Variants in ERC2 observed in about 807,000 individuals in gnomAD.
ERC2 encodes the protein ERC protein 2.
ERC2 carries 42 observed loss-of-function variants against 114.8 expected under a neutral mutation model. The observed-to-expected ratio is 0.37, with a 90% confidence interval of 0.29 to 0.47. The LOEUF (loss-of-function observed/expected upper bound fraction) is 0.47, where lower values mean the gene tolerates loss of function less well. ERC2 is among the 20% of genes least tolerant of loss of function. The pLI is 0.99. For synonymous variants in ERC2, 454 were observed against 425.5 expected, an observed-to-expected ratio of 1.07 and a Z score of -0.82; for missense variants, 939 against 1,150.7, an observed-to-expected ratio of 0.82 and a Z score of 2.66.
chr3:55,810,972 A>T (rs558494496), intron 14 of ERC2, among the ~76,000 whole-genome samples: 2 of 152,158 alleles, frequency 1.3e-5, no homozygotes, highest in African/African-American at 2.4e-5. Context: ...AAAGAATATA[A>T]ATATTTTAAC....
chr3:56,104,184 GA>G lies in ERC2; in HGVS notation c.1474-23201del, dbSNP rs111607541. Among the ~76,000 whole-genome samples, 269 of 147,188 alleles carry G rather than the reference GA, an allele frequency of 1.8e-3. 1 individual carries two copies. Among genetic ancestry groups the G allele is most frequent in the African/African-American group, 5.7e-3 (230 of 40,368 alleles). ...GTTTGTTCCAGCAAATCTTTGCCCA[GA>G]AAAAAAAAAATCATTATTTGCTCCA... On this transcript the variant is annotated intron_variant, in intron 6 of 17. Coordinates refer to ENST00000288221, the MANE Select transcript of ERC2 (RefSeq NM_015576.3).
chr3:55,899,027 T>C (rs1396809330), intron 13 of ERC2, among the ~76,000 whole-genome samples: 1 of 152,214 alleles, frequency 6.6e-6, no homozygotes, highest in African/African-American at 2.4e-5. Flanking sequence ...AACCAGGAAA[T>C]GAATTCTTAA....
intron 14 of ERC2, among the ~76,000 whole-genome samples, chr3:55,737,431 C>T (rs377255588): frequency 1.3e-5 from 2 of 152,128 alleles, no homozygotes; most frequent in Non-Finnish European, 2.9e-5. Flanking sequence ...ATACAGAGGG[C>T]GAAGCTGAAG....
intron 14 of ERC2, among the ~76,000 whole-genome samples, chr3:55,736,295 TCTC>T (rs1310973640): frequency 6.6e-6 from 1 of 152,134 alleles, no homozygotes; most frequent in Non-Finnish European, 1.5e-5. Flanking sequence ...CTGTTCCTCT[TCTC>T]CTTCCTCAAT....
At chr3:55,889,370 C>T (rs1034287646) in intron 13 of ERC2, among the ~76,000 whole-genome samples, 21 of 152,266 alleles carry the variant, frequency 1.4e-4, no homozygotes, top group African/African-American at 5.1e-4. Context: ...ACAAAAGGTT[C>T]AAGTTTGGTT....
chr3:56,136,799 G>A (rs950980683), intron 6 of ERC2, among the ~76,000 whole-genome samples: 3 of 151,952 alleles, frequency 2.0e-5, no homozygotes, highest in Admixed American at 6.6e-5. Flanking sequence ...CATGTACAAA[G>A]AGATCTTAAA....
In ERC2 at chr3:55,594,569, C is replaced by T. The variant is rs2058047337; in HGVS notation, c.*40-83293G>A. Among the ~76,000 whole-genome samples, 3 of 152,118 alleles carry T rather than the reference C, an allele frequency of 2.0e-5. No homozygotes were observed. In the South Asian group the frequency reaches 6.2e-4, roughly 32 times the overall value. ...CGATTTTGACTCACTGCAACCTCCG[C>T]ACCCTGGGTTCATGTGATTCTCCTG... On this transcript the variant is annotated intron_variant, in intron 17 of 17. Coordinates refer to ENST00000288221, the MANE Select transcript of ERC2 (RefSeq NM_015576.3).
intron 17 of ERC2, among the ~76,000 whole-genome samples, chr3:55,562,700 T>G (rs1285786554): frequency 4.6e-5 from 7 of 152,148 alleles, no homozygotes; most frequent in Non-Finnish European, 1.0e-4. Flanking sequence ...CCTTTTCTTT[T>G]TTTTTCATTT....
chr3:55,748,540 C>G (rs1196523077), intron 14 of ERC2, among the ~76,000 whole-genome samples: 1 of 152,158 alleles, frequency 6.6e-6, no homozygotes, highest in Non-Finnish European at 1.5e-5. Flanking sequence ...GATGATGCCA[C>G]CAGACACAAA....
chr3:56,284,243 TG>T (rs1241890364), intron 3 of ERC2, among the ~76,000 whole-genome samples: 1 of 152,154 alleles, frequency 6.6e-6, no homozygotes, highest in Non-Finnish European at 1.5e-5. Context: ...CTTGGTCAAG[TG>T]GGTCAAAAAA....
At chr3:55,567,760 G>A (rs569452630) in intron 17 of ERC2, among the ~76,000 whole-genome samples, 61 of 152,272 alleles carry the variant, frequency 4.0e-4, no homozygotes, top group African/African-American at 1.3e-3. Context: ...GCAGGATCCG[G>A]GGCCCTGATC....
chr3:56,216,002 A>G (rs532255584), intron 3 of ERC2, among the ~76,000 whole-genome samples: 2,797 of 152,318 alleles, frequency 0.018, 82 homozygotes, highest in African/African-American at 0.062. Flanking sequence ...CAGTGTGTAA[A>G]GGGAAATTTA....
At chr3:56,293,244 G>C (rs2055209502) in intron 3 of ERC2, among the ~76,000 whole-genome samples, 1 of 152,174 alleles carries the variant, frequency 6.6e-6, no homozygotes, top group South Asian at 2.1e-4. Context: ...ACCGTGAGTG[G>C]TTAATACACA....
intron 1 of ERC2, among the ~76,000 whole-genome samples, chr3:56,454,556 A>G (rs185568920): frequency 6.6e-6 from 1 of 152,252 alleles, no homozygotes; most frequent in Non-Finnish European, 1.5e-5. Flanking sequence ...TGCATAAAGA[A>G]AATGAAGTAT....
chr3:56,143,508 G>C (rs1156753218), intron 5 of ERC2, among the ~76,000 whole-genome samples: 1 of 152,136 alleles, frequency 6.6e-6, no homozygotes, highest in Non-Finnish European at 1.5e-5. Flanking sequence ...GTTTTATAAA[G>C]GGCAGTTCCC....
At chr3:55,846,693 T>TTCTCTCTCTTTCTC in intron 14 of ERC2, among the ~76,000 whole-genome samples, 1 of 142,912 alleles carries the variant, frequency 7.0e-6, no homozygotes, top group South Asian at 2.3e-4. Flanking sequence ...CTCTCTCTCT[T>TTCTCTCTCTTTCTC]TCTCTCTCTC....
intron 14 of ERC2, among the ~76,000 whole-genome samples, chr3:55,771,459 G>T (rs1322325189): frequency 3.3e-5 from 5 of 152,206 alleles, no homozygotes; most frequent in Admixed American, 1.3e-4. Flanking sequence ...GAGTCTGGGA[G>T]CCCAGAGTTA....
At chr3:56,071,160 A>T (rs188731293) in intron 7 of ERC2, among the ~76,000 whole-genome samples, 1 of 152,338 alleles carries the variant, frequency 6.6e-6, no homozygotes, top group East Asian at 1.9e-4. Context: ...TGAGGCAGCC[A>T]GCTCATTACC....
chr3:56,343,190 T>TCACACACACACACACACACA (rs1181595660), intron 2 of ERC2, among the ~76,000 whole-genome samples: 260 of 109,950 alleles, frequency 2.4e-3, no homozygotes, highest in Middle Eastern at 4.1e-3. Flanking sequence ...TCTCTCTCTC[T>TCACACACACACACACACACA]CTCACACACA....
Sources: gnomAD v4.1 joint callset for allele counts (sites outside exome capture counted in the v4.1 genomes callset) on GRCh38, gnomAD v4.1.1 for gene constraint, MANE v1.5 for transcripts, NCBI Gene and HGNC (gene_info 2026-07-23, HGNC 2026-07-21) for gene names.